The following LPA variants were observed in gnomAD, a reference collection of about 807,000 sequenced individuals.
LPA encodes the protein lipoprotein(a), also known as apolipoprotein(a).
A neutral mutation model predicts 197.9 loss-of-function variants in LPA; 199 were observed. The ratio of observed to expected loss-of-function variants is 1.01; its 90% CI spans 0.90 to 1.13. The LOEUF (loss-of-function observed/expected upper bound fraction) is 1.13, where lower values mean the gene tolerates loss of function less well. Ranked by LOEUF, LPA falls within the 50% of genes most tolerant of loss-of-function variation. The pLI is 0.00. For synonymous variants in LPA, 715 were observed against 639.5 expected (o/e 1.12, Z -1.78); for missense variants, 1,853 against 1,785.8 (o/e 1.04, Z -0.68).
In LPA at chr6:160,653,980, TAA is replaced by T. The variant is rs1562354494; in HGVS notation, c.50-3485_50-3484del. 1.9e-3 allele frequency among the ~76,000 whole-genome samples: 35 copies of T among 18,202 alleles called. 3 individuals are homozygous for T. Among genetic ancestry groups the T allele is most frequent in the African/African-American group, 6.2e-3 (30 of 4,848 alleles). The allele number at this position is 18,202 out of a possible 152,430, so 11.9% of individuals were successfully genotyped here. On this transcript the variant is annotated intron_variant, in intron 1 of 38. Coordinates refer to ENST00000316300, the MANE Select transcript of LPA (RefSeq NM_005577.4). Reference sequence around the variant, plus strand: ...TATAATATATATTATATATAATATATAATATATAATATATATTATATATAATA... The same window carrying T: ...TATAATATATATTATATATAATATATTATATAATATATATTATATATAATA...
intron 1 of LPA, among the ~76,000 whole-genome samples, chr6:160,662,115 C>G (rs927699701): frequency 3.9e-5 from 6 of 152,124 alleles, no homozygotes; most frequent in Non-Finnish European, 8.8e-5. Context: ...GATGATTTTT[C>G]CACAATCCTT....
chr6:160,531,783 A>G lies in LPA; in HGVS notation c.6069T>C (p.Tyr2023=), dbSNP rs1454208742. 14 of 1,614,148 alleles carry G rather than the reference A, an allele frequency of 8.7e-6. No individual in the cohort carries two copies. Among genetic ancestry groups the G allele is most frequent in the African/African-American group, 1.3e-5 (1 of 75,046 alleles). Residue 2023 remains tyrosine, a synonymous_variant, in exon 39 of 39, where the codon TAT becomes TAC. Coordinates refer to ENST00000316300, the MANE Select transcript of LPA (RefSeq NM_005577.4). The part of the protein sequence containing the change: ...GCARPNKPGV[Y]ARVSRFVTWI... ...AAGTAACAAACCTTGAAACACGAGC[A>G]TAGACACCAGGCTTATTGGGGCGTG...
intron 28 of LPA, among the ~76,000 whole-genome samples, chr6:160,567,348 A>C (rs2115020912): frequency 1.3e-5 from 2 of 152,224 alleles, no homozygotes; most frequent in East Asian, 3.8e-4. Context: ...ACTCATTAAA[A>C]ACTGCTCAAC....
At chr6:160,647,301 G>C (rs1222003061) in intron 2 of LPA, among the ~76,000 whole-genome samples, 1 of 152,176 alleles carries the variant, frequency 6.6e-6, no homozygotes, top group Non-Finnish European at 1.5e-5. Flanking sequence ...AGGAGTTTGG[G>C]CTGCGGGGAT....
In LPA at chr6:160,533,029, A is replaced by G. The variant is rs981576609; in HGVS notation, c.5843-380T>C. On this transcript the variant is annotated intron_variant, in intron 37 of 38. Transcript: ENST00000316300. ...TATATGCTTCTTTTACTATTACATC[A>G]TAATGCACAATTTCCTATACTGATT... Among the ~76,000 whole-genome samples the G allele has an allele frequency of 4.6e-5, 7 of 152,288 alleles. No individual in the cohort carries two copies. The East Asian group carries it at 1.2e-3, about 25-fold the overall frequency.
At chr6:160,594,171 T>G (rs1779086803) in intron 21 of LPA, 54 bp from the exon 22 acceptor site, 2 of 1,604,434 alleles carry the variant, frequency 1.2e-6, no homozygotes, top group Non-Finnish European at 1.7e-6. Flanking sequence ...CACAGAAGCA[T>G]CAGAAGAAAT....
intron 30 of LPA, among the ~76,000 whole-genome samples, chr6:160,551,784 A>T (rs976354131): frequency 6.6e-6 from 1 of 152,172 alleles, no homozygotes; most frequent in Non-Finnish European, 1.5e-5. Flanking sequence ...GATTTTGTAA[A>T]ACATTTTTGT....
At position 160,611,736 on chromosome 6, in the gene LPA, C is replaced by T; in HGVS notation, c.2444-15G>A. The T allele has an allele frequency of 1.4e-6, 2 of 1,449,534 alleles. No homozygotes were observed. Among genetic ancestry groups the T allele is most frequent in the Non-Finnish European group, 1.9e-6 (2 of 1,056,124 alleles). 89.8% of individuals were successfully genotyped at this position (1,449,534 alleles called of 1,614,324 possible). A position where few individuals can be genotyped will look rare whatever the true frequency, so the allele number is the denominator to read the frequency against. ...CTCAGTCGGTGCTGAAATGAAAACA[C>T]AAGAAATAAACTGAGTATCTCTGAG... On this transcript the variant is annotated splice_polypyrimidine_tract_variant and intron_variant, in intron 15 of 38. Transcript: ENST00000316300.
At position 160,577,465 on chromosome 6, in the gene LPA, T is replaced by C. The variant is rs141444617; in HGVS notation, c.4472-170A>G. Among the ~76,000 whole-genome samples the C allele has an allele frequency of 4.4e-3, 667 of 152,296 alleles. 6 individuals carry two copies. Among genetic ancestry groups the C allele is most frequent in the African/African-American group, 0.015 (644 of 41,558 alleles). ...CCAGTAGATTCATAGTATTCTAGAA[T>C]TTTAATAAGTTCATAGAAACATTAT... is the stretch of plus-strand genomic sequence containing the variant. On this transcript the variant is annotated intron_variant, in intron 27 of 38. Coordinates refer to ENST00000316300, the MANE Select transcript of LPA (RefSeq NM_005577.4).
At chr6:160,547,274 T>G (rs1421331484) in intron 32 of LPA, among the ~76,000 whole-genome samples, 3 of 152,166 alleles carry the variant, frequency 2.0e-5, no homozygotes, top group Non-Finnish European at 4.4e-5. Flanking sequence ...CATTAGATTC[T>G]CATAAGGAGC....
chr6:160,590,510 C>T (rs894519134), intron 23 of LPA, among the ~76,000 whole-genome samples: 1 of 152,126 alleles, frequency 6.6e-6, no homozygotes, highest in African/African-American at 2.4e-5. Context: ...TATCAGGTTT[C>T]TCAAGGATGA....
At chr6:160,652,927 G>A (rs974946350) in intron 1 of LPA, among the ~76,000 whole-genome samples, 25 of 152,100 alleles carry the variant, frequency 1.6e-4, no homozygotes, top group African/African-American at 5.8e-4. Context: ...TAAGTAAGTC[G>A]TGGAGATAAA....
intron 30 of LPA, among the ~76,000 whole-genome samples, chr6:160,553,566 G>C (rs776863477): frequency 6.6e-6 from 1 of 151,928 alleles, no homozygotes; most frequent in African/African-American, 2.4e-5. Flanking sequence ...AGAAGGCATC[G>C]GTCACTTTCA....
intron 28 of LPA, among the ~76,000 whole-genome samples, chr6:160,565,024 G>A (rs1778426536): frequency 6.6e-6 from 1 of 152,186 alleles, no homozygotes; most frequent in Non-Finnish European, 1.5e-5. Flanking sequence ...AAGCGACCAG[G>A]AAGCTCAAAC....
intron 1 of LPA, among the ~76,000 whole-genome samples, chr6:160,656,043 C>T (rs1472394726): frequency 6.6e-6 from 1 of 152,164 alleles, no homozygotes; most frequent in Admixed American, 6.5e-5. Context: ...TGTTAATTTG[C>T]TCAAGCAACA....
At chr6:160,558,882 T>A (rs552101648) in intron 28 of LPA, among the ~76,000 whole-genome samples, 1 of 152,298 alleles carries the variant, frequency 6.6e-6, no homozygotes. Flanking sequence ...ACGTATTATG[T>A]GCCATGGGAA....
chr6:160,566,064 C>T (rs958314782), intron 28 of LPA, among the ~76,000 whole-genome samples: 2 of 152,120 alleles, frequency 1.3e-5, no homozygotes, highest in Non-Finnish European at 2.9e-5. Context: ...CTTGGTGTAC[C>T]TGAAAGTGAC....
At chr6:160,658,999 G>A (rs908375290) in intron 1 of LPA, among the ~76,000 whole-genome samples, 2 of 151,886 alleles carry the variant, frequency 1.3e-5, no homozygotes, top group Non-Finnish European at 2.9e-5. Flanking sequence ...TTATTAAGTG[G>A]TATTAACTCA....
At position 160,595,389 on chromosome 6, in the gene LPA, A is replaced by G. The variant is rs1185709694; in HGVS notation, c.3434T>C (p.Val1145Ala). ...AGAAGCCTCTGTGCTTGGATCTGGG[A>G]CCACCGTGAGAGTTGCAAGGACACT... is the stretch of plus-strand genomic sequence containing the variant. ...ESSVLATLTV[V>A]PDPSTEASSE... Residue 1145 changes from valine (V) to alanine (A), a missense_variant, in exon 21 of 39, where the codon GTC becomes GCC. Val to Ala is a moderately conservative substitution (Grantham distance 64). Around this residue, in one of 3 missense-constraint regions of LPA, gnomAD observed 1,737 missense variants for 1,504.4 expected, o/e 1.15. Coordinates refer to ENST00000316300, the MANE Select transcript of LPA (RefSeq NM_005577.4). 2 of 1,613,232 alleles carry G rather than the reference A, an allele frequency of 1.2e-6. No individual in the cohort carries two copies. The highest frequency in any genetic ancestry group is 1.7e-6 in the Non-Finnish European group (2 of 1,179,874).
Sources: allele counts gnomAD v4.1 joint callset (sites outside exome capture counted in the v4.1 genomes callset), GRCh38; gene constraint gnomAD v4.1.1; regional missense constraint gnomAD v4.1.1; transcripts MANE v1.5; gene names NCBI Gene and HGNC (gene_info 2026-07-23, HGNC 2026-07-21).